CCR7: variants seen among roughly 807,000 people sequenced by gnomAD.
CCR7 encodes C-C chemokine receptor type 7.
Under a neutral mutation model 26.0 loss-of-function variants are expected in CCR7, and 11 were observed. The ratio of observed to expected loss-of-function variants is 0.42; its 90% CI spans 0.27 to 0.70. The LOEUF (loss-of-function observed/expected upper bound fraction) is 0.70, where lower values mean the gene tolerates loss of function less well. Ranked by LOEUF, CCR7 falls within the 30% of genes least tolerant of loss-of-function variation. CCR7 has a pLI of 0.23. For missense variants in CCR7, 360 were observed against 504.0 expected, an observed-to-expected ratio of 0.71 and a Z score of 2.74; for synonymous variants, 189 against 202.1, an observed-to-expected ratio of 0.94 and a Z score of 0.55.
Position 40,555,616 on chromosome 17 carries a change from C to G in CCR7, c.263G>C (p.Arg88Thr). ...LVVLTYIYFK[R>T]LKTMTDTYLL... ...GTAGGTATCGGTCATGGTCTTGAGCCTCTTGAAATAGATATAGGTCAACAC... is the reference window on the plus strand; with the variant it reads ...GTAGGTATCGGTCATGGTCTTGAGCGTCTTGAAATAGATATAGGTCAACAC... The change falls in exon 3 of 3, where the codon AGG (arginine) becomes ACG (threonine). Residue 88 changes from arginine to threonine, a missense_variant. Arg to Thr is a moderately conservative substitution (Grantham distance 71). Coordinates refer to ENST00000246657, the MANE Select transcript of CCR7 (RefSeq NM_001838.4). This position sits in a 1 kb window ranked among gnomAD's most constrained non-coding sequence, Gnocchi z 5.6. 1 of 1,614,132 alleles carries G rather than the reference C, an allele frequency of 6.2e-7. No individual in the cohort carries two copies.
At chr17:40,563,714 G>A (rs1203132695) in intron 1 of CCR7, among the ~76,000 whole-genome samples, 1 of 152,118 alleles carries the variant, frequency 6.6e-6, no homozygotes, top group African/African-American at 2.4e-5. Context: ...CTCAAGTTGA[G>A]TGAAGTGGCA....
chr17:40,564,408 G>A (rs911539520), intron 1 of CCR7, among the ~76,000 whole-genome samples: 2 of 152,218 alleles, frequency 1.3e-5, no homozygotes, highest in Non-Finnish European at 2.9e-5. Context: ...GGAGGGGTGT[G>A]AGGACAGCAC....
chr17:40,558,988 C>A, intron 1 of CCR7, 46 bp from the exon 2 acceptor site: 2 of 1,532,168 alleles, frequency 1.3e-6, no homozygotes, highest in Non-Finnish European at 1.8e-6. Context: ...AGGGACAAGT[C>A]TTTGTTATTA....
intron 1 of CCR7, among the ~76,000 whole-genome samples, chr17:40,561,791 C>G (rs555226327): frequency 3.3e-5 from 5 of 152,244 alleles, no homozygotes; most frequent in Admixed American, 2.6e-4. Context: ...ACTTTTCTCT[C>G]TCTCTCTTTT....
At position 40,557,599 on chromosome 17, in the gene CCR7, C is replaced by T. The variant is rs151273859; in HGVS notation, c.60+1294G>A. 1.5e-3 allele frequency among the ~76,000 whole-genome samples: 230 copies of T among 152,340 alleles called. 2 individuals carry two copies. The highest frequency in any genetic ancestry group is 5.3e-3 in the African/African-American group (221 of 41,578). On this transcript the variant is annotated intron_variant, in intron 2 of 2. Transcript: ENST00000246657. Reference sequence around the variant, plus strand: ...TGGGAGCCCTGAAGGAGGCTGCTGCCTTTGGCCCAGCCATGGTTACGGCCC... The same window carrying T: ...TGGGAGCCCTGAAGGAGGCTGCTGCTTTTGGCCCAGCCATGGTTACGGCCC...
chr17:40,554,759 T>C lies in CCR7; in HGVS notation c.1120A>G (p.Thr374Ala), dbSNP rs2036559525. ...AGAGTCGCCTATGGGGAGAAGGTGGTGGTGGTCTCGGCCTCCACACTCATG... is the reference window on the plus strand; with the variant it reads ...AGAGTCGCCTATGGGGAGAAGGTGGCGGTGGTCTCGGCCTCCACACTCATG... Reference protein sequence around the residue: ...SSMSVEAETTTTFSP With the variant: ...SSMSVEAETTATFSP Residue 374 changes from threonine (T) to alanine (A), a missense_variant, in exon 3 of 3, where the codon ACC (threonine) becomes GCC (alanine). Coordinates refer to ENST00000246657, the MANE Select transcript of CCR7 (RefSeq NM_001838.4). The C allele has an allele frequency of 6.2e-7, 1 of 1,609,556 alleles. No individual in the cohort carries two copies. Among genetic ancestry groups the C allele is most frequent in the Non-Finnish European group, 8.5e-7 (1 of 1,177,436 alleles).
chr17:40,557,932 T>C (rs1490000614), intron 2 of CCR7, among the ~76,000 whole-genome samples: 1 of 152,054 alleles, frequency 6.6e-6, no homozygotes, highest in Non-Finnish European at 1.5e-5. Context: ...CCCAGAGTCC[T>C]GGAGACAGGG....
chr17:40,565,358 G>A, intron 1 of CCR7, 42 bp downstream of exon 1: 1 of 1,585,396 alleles, frequency 6.3e-7, no homozygotes, highest in Non-Finnish European at 8.7e-7. Context: ...GGGTGTCCAA[G>A]ACCCTGGTAC....
chr17:40,555,916 T>C lies in CCR7; in HGVS notation c.61-98A>G, dbSNP rs2036582879. The stretch of plus-strand genomic sequence containing the variant: ...AGAGCAGTGGTTTCTTTCTTTTTTT[T>C]TTTTCTTGAGACATGGTCTCACTCT... On this transcript the variant is annotated intron_variant, in intron 2 of 2. Transcript: ENST00000246657. The surrounding 1 kb of genome is among the most constrained non-coding windows in gnomAD (Gnocchi z 5.6). The C allele has an allele frequency of 1.2e-6, 1 of 825,872 alleles. No individual in the cohort carries two copies. Among genetic ancestry groups the C allele is most frequent in the Non-Finnish European group, 1.9e-6 (1 of 521,374 alleles). The allele number at this position is 825,872 out of a possible 1,614,324, so 51.2% of individuals were successfully genotyped here. A position where few individuals can be genotyped will look rare whatever the true frequency, so the allele number is the denominator to read the frequency against.
intron 1 of CCR7, among the ~76,000 whole-genome samples, chr17:40,563,153 A>T (rs1026330292): frequency 4.6e-5 from 7 of 152,050 alleles, no homozygotes; most frequent in African/African-American, 1.7e-4. Flanking sequence ...TTTGTGACAT[A>T]TGTGTCACTC....
In CCR7 at chr17:40,555,674, A is replaced by G. The variant is rs1422932247; in HGVS notation, c.205T>C (p.Cys69Arg). 1 of 1,614,182 alleles carries G rather than the reference A, an allele frequency of 6.2e-7. No homozygotes were observed. The highest frequency in any genetic ancestry group is 1.7e-5 in the Admixed American group (1 of 60,028). Residue 69 changes from cysteine (C) to arginine (R), a missense_variant, in exon 3 of 3, where the codon TGT becomes CGT. Physicochemically the swap from Cys to Arg is radical, Grantham distance 180. Transcript: ENST00000246657. This position sits in a 1 kb window ranked among gnomAD's most constrained non-coding sequence, Gnocchi z 5.6. ...CCATTGCCCAGTAGGCCCACGAAAC[A>G]AATGATGGAGTACATGATAGGGAGG... ...WFLPIMYSIICFVGLLGNGLV... is the reference protein window; with the variant it reads ...WFLPIMYSIIRFVGLLGNGLV...
intron 1 of CCR7, 58 bp downstream of exon 1, chr17:40,565,342 C>A: frequency 6.8e-7 from 1 of 1,470,684 alleles, no homozygotes; most frequent in Non-Finnish European, 9.5e-7. Flanking sequence ...TCCACAGGGT[C>A]AGTCTGGGTG....
rs768527003 is a variant in CCR7, at chr17:40,555,689, T to C, written c.190A>G (p.Met64Val). ...CCCACGAAACAAATGATGGAGTACATGATAGGGAGGAACCAGGCTTTAAAG... is the reference window on the plus strand; with the variant it reads ...CCCACGAAACAAATGATGGAGTACACGATAGGGAGGAACCAGGCTTTAAAG... ...RNFKAWFLPI[M>V]YSIICFVGLL... Residue 64 changes from methionine to valine, a missense_variant, in exon 3 of 3, where the codon ATG becomes GTG. Transcript: ENST00000246657. The surrounding 1 kb of genome is among the most constrained non-coding windows in gnomAD (Gnocchi z 5.6). The C allele has an allele frequency of 1.2e-6, 2 of 1,614,008 alleles. No homozygotes were observed. Among genetic ancestry groups the C allele is most frequent in the African/African-American group, 2.7e-5 (2 of 74,908 alleles).
chr17:40,558,322 A>G (rs1046546308), intron 2 of CCR7, among the ~76,000 whole-genome samples: 1 of 152,176 alleles, frequency 6.6e-6, no homozygotes, highest in African/African-American at 2.4e-5. Context: ...TGCCGAGTTC[A>G]GGCCTGCTAT....
chr17:40,562,483 C>A lies in CCR7; in HGVS notation c.10+2917G>T, dbSNP rs537296013. ...CTGCTTCCATCCCCCAACATCCCGG[C>A]CCCCAAAAGAGCCGGCCCCACCTCT... On this transcript the variant is annotated intron_variant, in intron 1 of 2. Coordinates refer to ENST00000246657, the MANE Select transcript of CCR7 (RefSeq NM_001838.4). Among the ~76,000 whole-genome samples, 9 of 152,250 alleles carry A rather than the reference C, an allele frequency of 5.9e-5. No homozygotes were observed. In the East Asian group the frequency reaches 1.7e-3, roughly 29 times the overall value.
At chr17:40,557,141 A>G (rs987005521) in intron 2 of CCR7, among the ~76,000 whole-genome samples, 1 of 152,146 alleles carries the variant, frequency 6.6e-6, no homozygotes, top group Non-Finnish European at 1.5e-5. Flanking sequence ...GCAGATCCCA[A>G]TCAGCAGGAC....
At chr17:40,560,227 C>T (rs1346888625) in intron 1 of CCR7, among the ~76,000 whole-genome samples, 2 of 152,216 alleles carry the variant, frequency 1.3e-5, no homozygotes, top group African/African-American at 2.4e-5. Flanking sequence ...CAAGTCAGGG[C>T]GGCAGTAGCC....
Position 40,555,571 on chromosome 17 carries a change from G to A in CCR7, c.308C>T (p.Ala103Val). 1.2e-6 allele frequency: 2 copies of A among 1,614,134 alleles called. No homozygotes were observed. Among genetic ancestry groups the A allele is most frequent in the Non-Finnish European group, 8.5e-7 (1 of 1,180,028 alleles). Residue 103 changes from alanine to valine, a missense_variant, in exon 3 of 3, where the codon GCA (alanine) becomes GTA (valine). By Grantham distance (64) the Ala-to-Val change is moderately conservative. Coordinates refer to ENST00000246657, the MANE Select transcript of CCR7 (RefSeq NM_001838.4). This position sits in a 1 kb window ranked among gnomAD's most constrained non-coding sequence, Gnocchi z 5.6. ...AAGGGTCAGGAGGAAGAGGATGTCT[G>A]CCACCGCCAGGTTGAGCAGGTAGGT... ...TDTYLLNLAV[A>V]DILFLLTLPF... is the part of the protein sequence containing the mutation.
rs2036572921 is a variant in CCR7 at position 40,555,410 on chromosome 17, C to T, written c.469G>A (p.Ala157Thr). 6.2e-7 allele frequency: 1 copy of T among 1,613,806 alleles called. No homozygotes were observed. Among genetic ancestry groups the T allele is most frequent in the Non-Finnish European group, 8.5e-7 (1 of 1,180,014 alleles). ...TGAGCTGAGACAGCCTGGACGATGG[C>T]CACGTAGCGGTCAATGCTGATGCAA... Reference protein sequence around the residue: ...LLCISIDRYVAIVQAVSAHRH... With the variant: ...LLCISIDRYVTIVQAVSAHRH... The change falls in exon 3 of 3, where the codon GCC becomes ACC. Residue 157 changes from alanine to threonine, a missense_variant. By Grantham distance (58) the Ala-to-Thr change is moderately conservative. Coordinates refer to ENST00000246657, the MANE Select transcript of CCR7 (RefSeq NM_001838.4). The surrounding 1 kb of genome is among the most constrained non-coding windows in gnomAD (Gnocchi z 5.6).
Sources: allele counts gnomAD v4.1 joint callset (sites outside exome capture counted in the v4.1 genomes callset), GRCh38; gene constraint gnomAD v4.1.1; non-coding constraint Gnocchi (gnomAD v3.1); transcripts MANE v1.5; gene names NCBI Gene and HGNC (gene_info 2026-07-23, HGNC 2026-07-21).